Variants in MARCHF9 observed in about 807,000 individuals in gnomAD.
MARCHF9 encodes the protein membrane associated ring-CH-type finger 9.
MARCHF9 carries 17 observed loss-of-function variants against 35.2 expected under a neutral mutation model. That is an observed-to-expected ratio of 0.48 (90% confidence interval 0.33 to 0.72). The LOEUF is 0.72. MARCHF9 is among the 30% of genes least tolerant of loss of function. The pLI, the probability that MARCHF9 is intolerant of heterozygous loss-of-function variation, is 0.02. For missense variants in MARCHF9, 386 were observed against 478.2 expected (o/e 0.81, Z 1.80); for synonymous variants, 183 against 207.4 (o/e 0.88, Z 1.01).
At chr12:57,756,828 T>G in intron 1 of MARCHF9, 101 bp from the exon 2 acceptor site, 1 of 1,262,644 alleles carries the variant, frequency 7.9e-7, no homozygotes, top group Non-Finnish European at 1.0e-6. Flanking sequence ...TTATTTAAGG[T>G]GGGAAAGTGA....
rs766507157 is a variant in MARCHF9, at chr12:57,758,239, A to G, written c.645A>G (p.Arg215=). The G allele has an allele frequency of 2.5e-6, 4 of 1,614,184 alleles. No individual in the cohort carries two copies. In the South Asian group the frequency reaches 3.3e-5, roughly 13 times the overall value. Residue 215 remains arginine, a synonymous_variant, in exon 3 of 4, where the codon CGA becomes CGG. Transcript: ENST00000266643. This position sits in a 1 kb window ranked among gnomAD's most constrained non-coding sequence, Gnocchi z 5.4. ...TCAGCCCTTCAGCCAAGTGGCAACGACAGGATCTGCTCTTTCAGATCTGCT... is the reference window on the plus strand; with the variant it reads ...TCAGCCCTTCAGCCAAGTGGCAACGGCAGGATCTGCTCTTTCAGATCTGCT... ...SSLSPSAKWQ[R]QDLLFQICYG...
In MARCHF9 at chr12:57,755,788, C is replaced by A; in HGVS notation, c.260C>A (p.Pro87Gln). Reference protein sequence around the residue: ...GPLPPPAPPLPPPGALDALSL... With the variant: ...GPLPPPAPPLQPPGALDALSL... Reference sequence around the variant, plus strand: ...CTGCCGCCGCCCGCGCCGCCGCTGCCGCCCCCGGGCGCGCTGGACGCCCTG... The same window carrying A: ...CTGCCGCCGCCCGCGCCGCCGCTGCAGCCCCCGGGCGCGCTGGACGCCCTG... Residue 87 changes from proline to glutamine, a missense_variant, in exon 1 of 4, where the codon CCG becomes CAG. Pro to Gln is a moderately conservative substitution (Grantham distance 76). This residue lies in a region of MARCHF9 where 219 missense variants were observed against 316.2 expected (regional missense o/e 0.69). Transcript: ENST00000266643. 7.7e-7 allele frequency: 1 copy of A among 1,298,642 alleles called. No individual in the cohort carries two copies. The highest frequency in any genetic ancestry group is 9.8e-7 in the Non-Finnish European group (1 of 1,024,800). 80.4% of individuals were successfully genotyped at this position (1,298,642 alleles called of 1,614,324 possible).
Position 57,755,504 on chromosome 12 carries a change from G to GC in MARCHF9, c.-19dup. ...CGCTAGCGAGCCCCCCTTGCACGCTGCCCCCCGCCCCCGGTGTCCGGACGA... is the reference window on the plus strand; with the variant it reads ...CGCTAGCGAGCCCCCCTTGCACGCTGCCCCCCCGCCCCCGGTGTCCGGACGA... On this transcript the variant is annotated 5_prime_UTR_variant, in exon 1 of 4. Coordinates refer to ENST00000266643, the MANE Select transcript of MARCHF9 (RefSeq NM_138396.6). The GC allele has an allele frequency of 9.4e-7, 1 of 1,061,018 alleles. No individual in the cohort carries two copies. The highest frequency in any genetic ancestry group is 1.2e-6 in the Non-Finnish European group (1 of 849,882). The allele number at this position is 1,061,018 out of a possible 1,614,324, so 65.7% of individuals were successfully genotyped here. A position where few individuals can be genotyped will look rare whatever the true frequency, so the allele number is the denominator to read the frequency against.
Position 57,757,512 on chromosome 12 carries a change from C to T in MARCHF9, c.513+428C>T, listed in dbSNP as rs143387027. 5.3e-3 allele frequency: 995 copies of T among 187,308 alleles called. 12 individuals are homozygous for T. Among genetic ancestry groups the T allele is most frequent in the African/African-American group, 0.022 (928 of 41,976 alleles). 11.6% of individuals were successfully genotyped at this position (187,308 alleles called of 1,614,324 possible). A position where few individuals can be genotyped will look rare whatever the true frequency, so the allele number is the denominator to read the frequency against. On this transcript the variant is annotated intron_variant, in intron 2 of 3. Transcript: ENST00000266643. ...ACTAAGAATACAAAAATTAGCCAGG[C>T]GTGGTGGCTCGTGCCTGTAAGCTAC...
chr12:57,757,869 G>A, intron 2 of MARCHF9: 2 of 618,560 alleles, frequency 3.2e-6, no homozygotes, highest in South Asian at 3.8e-5. Context: ...CAAGATTTAG[G>A]ATTCAAATCT....
At position 57,759,002 on chromosome 12, in the gene MARCHF9, C is replaced by G; in HGVS notation, c.*105C>G. On this transcript the variant is annotated 3_prime_UTR_variant, in exon 4 of 4. Coordinates refer to ENST00000266643, the MANE Select transcript of MARCHF9 (RefSeq NM_138396.6). Reference sequence around the variant, plus strand: ...GACAAGGTGTTTGGGGCATGCTGCCCCCGTCACCGAGGATCTGTGTGGGTA... The same window carrying G: ...GACAAGGTGTTTGGGGCATGCTGCCGCCGTCACCGAGGATCTGTGTGGGTA... 1.7e-6 allele frequency: 2 copies of G among 1,148,514 alleles called. No homozygotes were observed. The highest frequency in any genetic ancestry group is 2.4e-6 in the Non-Finnish European group (2 of 835,834). The allele number at this position is 1,148,514 out of a possible 1,614,324, so 71.1% of individuals were successfully genotyped here.
chr12:57,758,514 C>T lies in MARCHF9; in HGVS notation c.707-49C>T. 6.6e-7 allele frequency: 1 copy of T among 1,526,094 alleles called. No individual in the cohort carries two copies. The highest frequency in any genetic ancestry group is 1.3e-5 in the South Asian group (1 of 78,554). 94.5% of individuals were successfully genotyped at this position (1,526,094 alleles called of 1,614,324 possible). A position where few individuals can be genotyped will look rare whatever the true frequency, so the allele number is the denominator to read the frequency against. ...AAATGCTTGCTTAAGTACCTCTGGCCTAGATCTAGGCCACAGTTAACCCTG... is the reference window on the plus strand; with the variant it reads ...AAATGCTTGCTTAAGTACCTCTGGCTTAGATCTAGGCCACAGTTAACCCTG... On this transcript the variant is annotated intron_variant, in intron 3 of 3. Coordinates refer to ENST00000266643, the MANE Select transcript of MARCHF9 (RefSeq NM_138396.6). The surrounding 1 kb of genome is among the most constrained non-coding windows in gnomAD (Gnocchi z 5.4).
At position 57,755,338 on chromosome 12, in the gene MARCHF9, G is replaced by A; in HGVS notation, c.-191G>A. The A allele has an allele frequency of 8.1e-6, 1 of 124,022 alleles. No homozygotes were observed. 7.7% of individuals were successfully genotyped at this position (124,022 alleles called of 1,614,324 possible). A position where few individuals can be genotyped will look rare whatever the true frequency, so the allele number is the denominator to read the frequency against. ...CCGCCCACCCCGCCGCCCCCGGGCCGCCAGCCCGCTCGGCCCCGCAAGCAC... is the reference window on the plus strand; with the variant it reads ...CCGCCCACCCCGCCGCCCCCGGGCCACCAGCCCGCTCGGCCCCGCAAGCAC... On this transcript the variant is annotated 5_prime_UTR_variant, in exon 1 of 4. Transcript: ENST00000266643.
chr12:57,758,057 CT>C lies in MARCHF9; in HGVS notation c.514-50del. On this transcript the variant is annotated intron_variant, in intron 2 of 3. Transcript: ENST00000266643. The surrounding 1 kb of genome is among the most constrained non-coding windows in gnomAD (Gnocchi z 5.4). ...CCTGCTCTTCAGGGCCACCCATCAC[CT>C]GGCCCTCCATCCCTTTCTGGGACTC... 6.3e-7 allele frequency: 1 copy of C among 1,599,554 alleles called. No individual in the cohort carries two copies. Among genetic ancestry groups the C allele is most frequent in the Non-Finnish European group, 8.6e-7 (1 of 1,166,972 alleles).
In MARCHF9 at chr12:57,758,879, G is replaced by A. The variant is rs1301500421; in HGVS notation, c.1023G>A (p.Met341Ile). Reference sequence around the variant, plus strand: ...CCCATTCTGGCCGAGAGGTTGTCATGAGGGTCACTACAGTCTGAACTGGAC... The same window carrying A: ...CCCATTCTGGCCGAGAGGTTGTCATAAGGGTCACTACAGTCTGAACTGGAC... Reference protein sequence around the residue: ...SSSHSGREVVMRVTTV With the variant: ...SSSHSGREVVIRVTTV The change falls in exon 4 of 4, where the codon ATG (methionine) becomes ATA (isoleucine). Residue 341 changes from methionine (M) to isoleucine (I), a missense_variant. Around this residue, in one of 3 missense-constraint regions of MARCHF9, gnomAD observed 111 missense variants for 112.4 expected, o/e 0.99. Transcript: ENST00000266643. This position sits in a 1 kb window ranked among gnomAD's most constrained non-coding sequence, Gnocchi z 5.4. 3 of 1,601,558 alleles carry A rather than the reference G, an allele frequency of 1.9e-6. No homozygotes were observed. The highest frequency in any genetic ancestry group is 1.7e-6 in the Non-Finnish European group (2 of 1,172,264).
chr12:57,755,894 T>TG lies in MARCHF9; in HGVS notation c.357+12dup. ...TCCAGGGCCCGGAGCAGGTCAGGCCTGGGCACCTGGCCGGGCGCGGAGGGT... is the reference window on the plus strand; with the variant it reads ...TCCAGGGCCCGGAGCAGGTCAGGCCTGGGGCACCTGGCCGGGCGCGGAGGGT... On this transcript the variant is annotated intron_variant, in intron 1 of 3. Coordinates refer to ENST00000266643, the MANE Select transcript of MARCHF9 (RefSeq NM_138396.6). 6.8e-7 allele frequency: 1 copy of TG among 1,477,572 alleles called. No homozygotes were observed. Among genetic ancestry groups the TG allele is most frequent in the Non-Finnish European group, 8.9e-7 (1 of 1,122,626 alleles). 91.5% of individuals were successfully genotyped at this position (1,477,572 alleles called of 1,614,324 possible).
At position 57,758,635 on chromosome 12, in the gene MARCHF9, A is replaced by G. The variant is rs747895497; in HGVS notation, c.779A>G (p.Lys260Arg). ...TGGCAGGCAGTGAACCAGCAGTGGAAGGTCCTAAATTATGACAAGACCAAG... is the reference window on the plus strand; with the variant it reads ...TGGCAGGCAGTGAACCAGCAGTGGAGGGTCCTAAATTATGACAAGACCAAG... ...KRWQAVNQQW[K>R]VLNYDKTKDI... The change falls in exon 4 of 4, where the codon AAG becomes AGG. Residue 260 changes from lysine to arginine, a missense_variant. Physicochemically the swap from Lys to Arg is conservative, Grantham distance 26. Around this residue, in one of 3 missense-constraint regions of MARCHF9, gnomAD observed 219 missense variants for 316.2 expected, o/e 0.69. Coordinates refer to ENST00000266643, the MANE Select transcript of MARCHF9 (RefSeq NM_138396.6). The surrounding 1 kb of genome is among the most constrained non-coding windows in gnomAD (Gnocchi z 5.4). 1 of 1,614,126 alleles carries G rather than the reference A, an allele frequency of 6.2e-7. No individual in the cohort carries two copies. The highest frequency in any genetic ancestry group is 8.5e-7 in the Non-Finnish European group (1 of 1,179,996).
intron 2 of MARCHF9, chr12:57,757,660 AAAAAAG>A: frequency 2.6e-6 from 1 of 390,028 alleles, no homozygotes; most frequent in Non-Finnish European, 4.6e-6. Flanking sequence ...GGAAAAAAAA[AAAAAAG>A]AAAAGAAAAA....
In MARCHF9 at chr12:57,755,223, C is replaced by T. The variant is rs1955275797; in HGVS notation, c.-306C>T. 2 of 176,648 alleles carry T rather than the reference C, an allele frequency of 1.1e-5. No individual in the cohort carries two copies. Among genetic ancestry groups the T allele is most frequent in the African/African-American group, 2.4e-5 (1 of 41,876 alleles). 10.9% of individuals were successfully genotyped at this position (176,648 alleles called of 1,614,324 possible). A position where few individuals can be genotyped will look rare whatever the true frequency, so the allele number is the denominator to read the frequency against. Reference sequence around the variant, plus strand: ...GCCCCGCCGCAGGAGGACCCGGGCGCGTAACCCCGGGGGCCCGGCCCGCTC... The same window carrying T: ...GCCCCGCCGCAGGAGGACCCGGGCGTGTAACCCCGGGGGCCCGGCCCGCTC... On this transcript the variant is annotated 5_prime_UTR_variant, in exon 1 of 4. Transcript: ENST00000266643.
In MARCHF9 at chr12:57,758,334, T is replaced by C. The variant is rs751785877; in HGVS notation, c.706+34T>C. The C allele has an allele frequency of 7.2e-5, 114 of 1,582,748 alleles. No individual in the cohort carries two copies. Among genetic ancestry groups the C allele is most frequent in the Non-Finnish European group, 9.2e-5 (107 of 1,159,726 alleles). ...ACCTCTCTCTCCTTTACCTGCTCTGTATCTTCCTCTTACACACCTAACTCC... is the reference window on the plus strand; with the variant it reads ...ACCTCTCTCTCCTTTACCTGCTCTGCATCTTCCTCTTACACACCTAACTCC... On this transcript the variant is annotated intron_variant, in intron 3 of 3. Transcript: ENST00000266643. The surrounding 1 kb of genome is among the most constrained non-coding windows in gnomAD (Gnocchi z 5.4).
chr12:57,758,252 T>G lies in MARCHF9; in HGVS notation c.658T>G (p.Phe220Val). The G allele has an allele frequency of 6.2e-7, 1 of 1,614,054 alleles. No homozygotes were observed. Among genetic ancestry groups the G allele is most frequent in the Non-Finnish European group, 8.5e-7 (1 of 1,179,870 alleles). Reference sequence around the variant, plus strand: ...CAAGTGGCAACGACAGGATCTGCTCTTTCAGATCTGCTACGGCATGTATGG... The same window carrying G: ...CAAGTGGCAACGACAGGATCTGCTCGTTCAGATCTGCTACGGCATGTATGG... ...SAKWQRQDLL[F>V]QICYGMYGFM... Residue 220 changes from phenylalanine (F) to valine (V), a missense_variant, in exon 3 of 4, where the codon TTT (phenylalanine) becomes GTT (valine). By Grantham distance (50) the Phe-to-Val change is conservative. Transcript: ENST00000266643. The surrounding 1 kb of genome is among the most constrained non-coding windows in gnomAD (Gnocchi z 5.4).
At chr12:57,756,884 C>T in intron 1 of MARCHF9, 45 bp from the exon 2 acceptor site, 2 of 1,436,782 alleles carry the variant, frequency 1.4e-6, no homozygotes. Flanking sequence ...TGAGTGGGGT[C>T]GGGGTGGTGA....
chr12:57,757,345 G>GA (rs1955293772), intron 2 of MARCHF9: 2 of 313,374 alleles, frequency 6.4e-6, no homozygotes, highest in Non-Finnish European at 1.1e-5. Flanking sequence ...CAAAAAAAAA[G>GA]AAAAAAGAAA....
Position 57,758,575 on chromosome 12 carries a change from A to G in MARCHF9, c.719A>G (p.His240Arg), listed in dbSNP as rs1200357815. 1 of 1,609,052 alleles carries G rather than the reference A, an allele frequency of 6.2e-7. No homozygotes were observed. Among genetic ancestry groups the G allele is most frequent in the Admixed American group, 1.7e-5 (1 of 59,520 alleles). The stretch of plus-strand genomic sequence containing the variant: ...TCCTATTGCTCAGGCCTCATCATCC[A>G]TGAAGGCTCCTCTGTCTACCGCATC... Reference protein sequence around the residue: ...MDVVCIGLIIHEGSSVYRIFK... With the variant: ...MDVVCIGLIIREGSSVYRIFK... Residue 240 changes from histidine (H) to arginine (R), a missense_variant, in exon 4 of 4, where the codon CAT (histidine) becomes CGT (arginine). This residue lies in a region of MARCHF9 where 219 missense variants were observed against 316.2 expected (regional missense o/e 0.69). Coordinates refer to ENST00000266643, the MANE Select transcript of MARCHF9 (RefSeq NM_138396.6). This position sits in a 1 kb window ranked among gnomAD's most constrained non-coding sequence, Gnocchi z 5.4.
Sources: gnomAD v4.1 joint callset for allele counts on GRCh38, gnomAD v4.1.1 for gene constraint, gnomAD v4.1.1 regional missense constraint, Gnocchi (gnomAD v3.1) non-coding constraint, MANE v1.5 for transcripts, NCBI Gene and HGNC (gene_info 2026-07-23, HGNC 2026-07-21) for gene names.